Variants in POLI observed in about 807,000 individuals in gnomAD.
POLI encodes the protein RAD30 homolog B.
In POLI, 58 loss-of-function variants were observed where a neutral mutation model predicts 51.6. That is an observed-to-expected ratio of 1.12 (90% CI 0.91 to 1.40). The LOEUF (loss-of-function observed/expected upper bound fraction) is 1.40. Ranked by LOEUF, POLI falls within the 40% of genes most tolerant of loss-of-function variation. POLI has a pLI of 0.00. For synonymous variants in POLI, 322 were observed against 299.7 expected, an observed-to-expected ratio of 1.07 and a Z score of -0.77; for missense variants, 921 against 871.3, an observed-to-expected ratio of 1.06 and a Z score of -0.72.
intron 2 of POLI, among the ~76,000 whole-genome samples, chr18:54,273,185 T>C (rs551995073): frequency 6.6e-6 from 1 of 152,048 alleles, no homozygotes; most frequent in South Asian, 2.1e-4. Flanking sequence ...ATGATCATAA[T>C]TTAATCATTT....
chr18:54,290,240 G>C (rs528150974), intron 8 of POLI, among the ~76,000 whole-genome samples: 1 of 152,186 alleles, frequency 6.6e-6, no homozygotes. Context: ...GCTCATCATT[G>C]CTGGTCATTA....
At position 54,293,749 on chromosome 18, in the gene POLI, C is replaced by G; in HGVS notation, c.1505C>G (p.Ser502Cys). Residue 502 changes from serine (S) to cysteine (C), a missense_variant, in exon 10 of 10, where the codon TCT (serine) becomes TGT (cysteine). Physicochemically the swap from Ser to Cys is moderately radical, Grantham distance 112 (BLOSUM62 -1). Coordinates refer to ENST00000579534, the MANE Select transcript of POLI (RefSeq NM_007195.3). ...ATTGAAAGTACAAGAACTAGGGAGTCTCCACTAGATACCACAAATTTTTCT... is the reference window on the plus strand; with the variant it reads ...ATTGAAAGTACAAGAACTAGGGAGTGTCCACTAGATACCACAAATTTTTCT... ...GRIESTRTRE[S>C]PLDTTNFSKE... 6.2e-7 allele frequency: 1 copy of G among 1,605,210 alleles called. No individual in the cohort carries two copies. The highest frequency in any genetic ancestry group is 8.5e-7 in the Non-Finnish European group (1 of 1,174,318).
rs780423474 is a variant in POLI at position 54,271,467 on chromosome 18, C to G, written c.223C>G (p.Leu75Val). 2 of 1,602,622 alleles carry G rather than the reference C, an allele frequency of 1.2e-6. No individual in the cohort carries two copies. Among genetic ancestry groups the G allele is most frequent in the East Asian group, 4.5e-5 (2 of 44,726 alleles). ...AGTAGAAATGATCTCAAATCCAGAGCTAAAAGACAAACCTTTAGGTAACTG... is the reference window on the plus strand; with the variant it reads ...AGTAGAAATGATCTCAAATCCAGAGGTAAAAGACAAACCTTTAGGTAACTG... ...AQVEMISNPE[L>V]KDKPLGVQQK... The change falls in exon 2 of 10, where the codon CTA (leucine) becomes GTA (valine). Residue 75 changes from leucine to valine, a missense_variant. Physicochemically the swap from Leu to Val is conservative, Grantham distance 32. Coordinates refer to ENST00000579534, the MANE Select transcript of POLI (RefSeq NM_007195.3).
chr18:54,298,588 C>CTTTTTTTTTTT (rs145052748), downstream of POLI, among the ~76,000 whole-genome samples: 12 of 114,900 alleles, frequency 1.0e-4, 2 homozygotes, highest in Non-Finnish European at 1.6e-4. Context: ...ACTACAGAAT[C>CTTTTTTTTTTT]TTTTTTTTTT....
chr18:54,289,052 A>G (rs2087874214), intron 8 of POLI, among the ~76,000 whole-genome samples: 1 of 152,058 alleles, frequency 6.6e-6, no homozygotes, highest in Non-Finnish European at 1.5e-5. Flanking sequence ...TAGATAATGT[A>G]TTGTAGCAAC....
intron 8 of POLI, among the ~76,000 whole-genome samples, chr18:54,291,138 A>G (rs377397127): frequency 2.0e-5 from 3 of 152,258 alleles, no homozygotes; most frequent in Middle Eastern, 3.4e-3. Flanking sequence ...CTCCTAGTCA[A>G]CTAGGGTTGT....
At chr18:54,276,887 A>G (rs985459615) in intron 3 of POLI, among the ~76,000 whole-genome samples, 24 of 152,362 alleles carry the variant, frequency 1.6e-4, no homozygotes, top group African/African-American at 5.5e-4. Context: ...TTAAGAATCT[A>G]TGCATTTTTG....
At chr18:54,315,267 G>T (rs2088718947) in intron 3 of POLI, among the ~76,000 whole-genome samples, 1 of 152,062 alleles carries the variant, frequency 6.6e-6, no homozygotes, top group African/African-American at 2.4e-5. Context: ...TAATTATATG[G>T]TTTTGAGAGA....
Position 54,271,384 on chromosome 18 carries a change from C to T in POLI, c.140C>T (p.Thr47Ile). 6.2e-7 allele frequency: 1 copy of T among 1,612,364 alleles called. No homozygotes were observed. Among genetic ancestry groups the T allele is most frequent in the Non-Finnish European group, 8.5e-7 (1 of 1,178,776 alleles). Residue 47 changes from threonine (T) to isoleucine (I), a missense_variant, in exon 2 of 10, where the codon ACA becomes ATA. Physicochemically the swap from Thr to Ile is moderately conservative, Grantham distance 89. Coordinates refer to ENST00000579534, the MANE Select transcript of POLI (RefSeq NM_007195.3). ...GGAGTTCATGATCAAGTGTTGCCCA[C>T]ACCAAATGCTTCATCCAGAGTCATA... is the stretch of plus-strand genomic sequence containing the variant. Reference protein sequence around the residue: ...SQGVHDQVLPTPNASSRVIVH... With the variant: ...SQGVHDQVLPIPNASSRVIVH...
chr18:54,311,991 G>T (rs2088675488), intron 3 of POLI, among the ~76,000 whole-genome samples: 1 of 152,074 alleles, frequency 6.6e-6, no homozygotes, highest in East Asian at 1.9e-4. Context: ...ACGTGTGCAG[G>T]TTTGTTACAG....
At chr18:54,283,865 ATAAT>A in intron 6 of POLI, 53 bp from the exon 7 acceptor site, 1 of 647,272 alleles carries the variant, frequency 1.5e-6, no homozygotes, top group South Asian at 2.0e-5. Flanking sequence ...TACACTGATA[ATAAT>A]TAGATATAGT....
At chr18:54,279,881 A>G (rs929692380) in intron 4 of POLI, among the ~76,000 whole-genome samples, 1 of 152,214 alleles carries the variant, frequency 6.6e-6, no homozygotes, top group Non-Finnish European at 1.5e-5. Context: ...TTAAAGTATA[A>G]TGTTAGCTTT....
chr18:54,290,390 A>C (rs1390566525), intron 8 of POLI, among the ~76,000 whole-genome samples: 1 of 152,232 alleles, frequency 6.6e-6, no homozygotes, highest in Non-Finnish European at 1.5e-5. Flanking sequence ...GGGAGTGTAA[A>C]TTAGTTCAAC....
chr18:54,299,866 TG>T (rs1456517723), downstream of POLI, among the ~76,000 whole-genome samples: 1 of 152,032 alleles, frequency 6.6e-6, no homozygotes, highest in Non-Finnish European at 1.5e-5. Context: ...CACCATCCCT[TG>T]AAAAAGACAT....
rs536341261 is a variant in POLI, at chr18:54,295,902, C to T, written c.*1435C>T. On this transcript the variant is annotated 3_prime_UTR_variant, in exon 10 of 10. Transcript: ENST00000579534. ...TTGGCCTCCCAAAGTGCTGGGATTA[C>T]AGGTGTGAGCCATTGCTCCTGGCCC... The T allele has an allele frequency of 2.6e-5, 25 of 957,368 alleles. No homozygotes were observed. The South Asian group carries it at 1.1e-3, about 41-fold the overall frequency. 59.3% of individuals were successfully genotyped at this position (957,368 alleles called of 1,614,324 possible).
chr18:54,290,771 T>C (rs897461287), intron 8 of POLI, among the ~76,000 whole-genome samples: 1 of 151,458 alleles, frequency 6.6e-6, no homozygotes, highest in Non-Finnish European at 1.5e-5. Context: ...TAAGTGGGAG[T>C]TGAACAACGA....
rs142549889 is a variant in POLI, at chr18:54,277,832, C to T, written c.536C>T (p.Ser179Leu). 7.4e-6 allele frequency: 12 copies of T among 1,612,158 alleles called. No homozygotes were observed. The highest frequency in any genetic ancestry group is 3.3e-4 in the Middle Eastern group (2 of 6,076). The change falls in exon 4 of 10, where the codon TCG (serine) becomes TTG (leucine). Residue 179 changes from serine (S) to leucine (L), a missense_variant. Ser to Leu is a moderately radical substitution (Grantham distance 145). Transcript: ENST00000579534. ...GATGAACTTTCTGCGGTGACTGTGT[C>T]GGGTCATGTATACAATAATCAGTGT... ...QSDELSAVTVSGHVYNNQSIN... is the reference protein window; with the variant it reads ...QSDELSAVTVLGHVYNNQSIN...
At position 54,295,934 on chromosome 18, in the gene POLI, TG is replaced by T. The variant is rs1367117565; in HGVS notation, c.*1468del. 7 of 984,868 alleles carry T rather than the reference TG, an allele frequency of 7.1e-6. No individual in the cohort carries two copies. In the African/African-American group the frequency reaches 1.2e-4, roughly 17 times the overall value. 61.0% of individuals were successfully genotyped at this position (984,868 alleles called of 1,614,324 possible). On this transcript the variant is annotated 3_prime_UTR_variant, in exon 10 of 10. Coordinates refer to ENST00000579534, the MANE Select transcript of POLI (RefSeq NM_007195.3). ...GAGCCATTGCTCCTGGCCCCAGCTC[TG>T]AAATTTTAACTTAGTTTTGGATTCC... is the stretch of plus-strand genomic sequence containing the variant.
rs1175925447 is a variant in POLI, at chr18:54,295,144, T to C, written c.*677T>C. The stretch of plus-strand genomic sequence containing the variant: ...TAGAGAACAGTGGTAGAAGGAACTC[T>C]CCGTGCAAGTAAATTAAGGGAAAGA... On this transcript the variant is annotated 3_prime_UTR_variant, in exon 10 of 10. Coordinates refer to ENST00000579534, the MANE Select transcript of POLI (RefSeq NM_007195.3). 1.2e-5 allele frequency: 12 copies of C among 984,962 alleles called. No individual in the cohort carries two copies. The highest frequency in any genetic ancestry group is 1.4e-5 in the Non-Finnish European group (12 of 829,818). The allele number at this position is 984,962 out of a possible 1,614,324, so 61.0% of individuals were successfully genotyped here.
Sources: allele counts gnomAD v4.1 joint callset (sites outside exome capture counted in the v4.1 genomes callset), GRCh38; gene constraint gnomAD v4.1.1; transcripts MANE v1.5; gene names NCBI Gene and HGNC (gene_info 2026-07-23, HGNC 2026-07-21).